The following TRPC5 variants were observed in gnomAD, a reference collection of about 807,000 sequenced individuals.
TRPC5 encodes the protein short transient receptor potential channel 5.
A neutral mutation model predicts 56.5 loss-of-function variants in TRPC5; 9 were observed. The observed-to-expected ratio is 0.16, with a 90% CI of 0.10 to 0.28. TRPC5 has a LOEUF of 0.28. TRPC5 is among the 10% of genes least tolerant of loss of function. The pLI, the probability that TRPC5 is intolerant of heterozygous loss-of-function variation, is 1.00. For missense variants in TRPC5, 469 were observed against 748.9 expected (o/e 0.63, Z 4.36); for synonymous variants, 282 against 278.5 (o/e 1.01, Z -0.13).
rs199726256 is a variant in TRPC5, at chrX:112,071,309, A to AAAATAAATAAAT, written c.-22+10558_-22+10569dup. 2.9e-3 allele frequency among the ~76,000 whole-genome samples: 310 copies of AAAATAAATAAAT among 105,234 alleles called. 1 individual carries two copies. Among genetic ancestry groups the AAAATAAATAAAT allele is most frequent in the Non-Finnish European group, 5.0e-3 (258 of 51,685 alleles). 91.4% of individuals were successfully genotyped at this position (105,234 alleles called of 115,157 possible). The stretch of plus-strand genomic sequence containing the variant: ...GGTGGCAGATTGAGACCCTGTCTCA[A>AAAATAAATAAAT]AAATAAATAAATAAATAAATAAATA... On this transcript the variant is annotated intron_variant, in intron 1 of 10. Coordinates refer to ENST00000262839, the MANE Select transcript of TRPC5 (RefSeq NM_012471.3).
At chrX:111,905,292 C>T (rs773617575) in intron 3 of TRPC5, among the ~76,000 whole-genome samples, 2 of 110,931 alleles carry the variant, frequency 1.8e-5, no homozygotes, top group African/African-American at 6.6e-5. Context: ...CTCCCTCCAG[C>T]CCATATTTAA....
intron 2 of TRPC5, among the ~76,000 whole-genome samples, chrX:111,937,047 G>A (rs1362036838): frequency 3.8e-5 from 4 of 105,965 alleles, no homozygotes; most frequent in Admixed American, 9.8e-5. Flanking sequence ...TAACTGGTGT[G>A]AGGTGGTATC....
At chrX:111,972,213 C>T (rs1927804011) in intron 1 of TRPC5, among the ~76,000 whole-genome samples, 1 of 111,708 alleles carries the variant, frequency 9.0e-6, no homozygotes, top group Middle Eastern at 4.2e-3. Context: ...GGGCCCTTTA[C>T]CAAGTTGGAC....
intron 1 of TRPC5, among the ~76,000 whole-genome samples, chrX:111,968,667 C>G (rs1240103054): frequency 1.8e-5 from 2 of 108,260 alleles, no homozygotes; most frequent in Non-Finnish European, 3.8e-5. Flanking sequence ...GAGTTCATGT[C>G]CTTTGTAGGG....
intron 1 of TRPC5, among the ~76,000 whole-genome samples, chrX:111,990,650 C>T (rs768477078): frequency 1.8e-5 from 2 of 110,532 alleles, no homozygotes; most frequent in Non-Finnish European, 3.8e-5. Flanking sequence ...ATTTCAACCC[C>T]GTGTGTCTAT....
chrX:111,856,818 C>T (rs1923249518), intron 3 of TRPC5, among the ~76,000 whole-genome samples: 1 of 93,824 alleles, frequency 1.1e-5, no homozygotes, highest in African/African-American at 4.0e-5. Flanking sequence ...GACTCCATCT[C>T]CAAAAAAAAA....
chrX:111,825,376 C>T lies in TRPC5; in HGVS notation c.1896+9545G>A, dbSNP rs745360445. Among the ~76,000 whole-genome samples the T allele has an allele frequency of 1.4e-4, 15 of 108,073 alleles. No individual in the cohort carries two copies. The South Asian group carries it at 5.8e-3, about 42-fold the overall frequency. 93.8% of individuals were successfully genotyped at this position (108,073 alleles called of 115,157 possible). Reference sequence around the variant, plus strand: ...CAGCGATTCTTGTGCCTCAGTCTCCCGAGTAGCTGGGACTACAGGTACGCA... The same window carrying T: ...CAGCGATTCTTGTGCCTCAGTCTCCTGAGTAGCTGGGACTACAGGTACGCA... On this transcript the variant is annotated intron_variant, in intron 7 of 10. Transcript: ENST00000262839.
chrX:111,901,971 A>G, intron 3 of TRPC5: 2 of 1,155,682 alleles, frequency 1.7e-6, no homozygotes, highest in Non-Finnish European at 2.3e-6. Context: ...CCTTATGTAG[A>G]AGAAAATGGT....
chrX:111,781,405 C>T (rs957851912), intron 8 of TRPC5, among the ~76,000 whole-genome samples, 199 bp from the exon 9 acceptor site: 8 of 111,865 alleles, frequency 7.2e-5, no homozygotes, highest in African/African-American at 1.3e-4. Context: ...AAAGGAGGGA[C>T]GGGAGGAAAC....
Position 112,028,761 on chromosome X carries a change from C to T in TRPC5, c.-22+53118G>A, listed in dbSNP as rs142936864. Reference sequence around the variant, plus strand: ...ACATGTGCATGTGTCTTTATAGTACCATGATTTATAATCCTTTGGGTATAT... The same window carrying T: ...ACATGTGCATGTGTCTTTATAGTACTATGATTTATAATCCTTTGGGTATAT... On this transcript the variant is annotated intron_variant, in intron 1 of 10. Coordinates refer to ENST00000262839, the MANE Select transcript of TRPC5 (RefSeq NM_012471.3). Among the ~76,000 whole-genome samples, 236 of 111,792 alleles carry T rather than the reference C, an allele frequency of 2.1e-3. 1 individual carries two copies. The highest frequency in any genetic ancestry group is 7.2e-3 in the African/African-American group (221 of 30,750).
At chrX:111,995,574 G>T (rs1174032420) in intron 1 of TRPC5, among the ~76,000 whole-genome samples, 2 of 111,080 alleles carry the variant, frequency 1.8e-5, no homozygotes, top group East Asian at 5.6e-4. Context: ...GTAGAATTCG[G>T]CTGTGAATCC....
Position 111,937,955 on chromosome X carries a change from A to T in TRPC5, c.378+14088T>A, listed in dbSNP as rs1156708372. On this transcript the variant is annotated intron_variant, in intron 2 of 10. Transcript: ENST00000262839. ...CTTGGGCAGTATGGCCATTTTCACG[A>T]TATTGATTCTTCCTACCCATGAGCA... 3.3e-5 allele frequency among the ~76,000 whole-genome samples: 3 copies of T among 91,125 alleles called. No individual in the cohort carries two copies. The East Asian group carries it at 1.0e-3, about 31-fold the overall frequency. The allele number at this position is 91,125 out of a possible 115,157, so 79.1% of individuals were successfully genotyped here. A position where few individuals can be genotyped will look rare whatever the true frequency, so the allele number is the denominator to read the frequency against.
intron 3 of TRPC5, among the ~76,000 whole-genome samples, chrX:111,889,109 A>G (rs1160224591): frequency 8.9e-6 from 1 of 112,202 alleles, no homozygotes; most frequent in Admixed American, 9.5e-5. Flanking sequence ...TTTGGGAGTC[A>G]TCTGCCTATA....
intron 1 of TRPC5, among the ~76,000 whole-genome samples, chrX:112,048,978 T>C (rs1472911355): frequency 8.9e-6 from 1 of 112,292 alleles, no homozygotes; most frequent in East Asian, 2.8e-4. Flanking sequence ...AGGGAGCCTT[T>C]CTGCCTTCCA....
At chrX:111,848,758 T>C (rs1484857363) in intron 5 of TRPC5, among the ~76,000 whole-genome samples, 1 of 112,346 alleles carries the variant, frequency 8.9e-6, no homozygotes, top group East Asian at 2.8e-4. Context: ...CGGATAGACT[T>C]TTAGGCGGCC....
At chrX:111,840,852 A>T (rs1467912627) in intron 6 of TRPC5, among the ~76,000 whole-genome samples, 2 of 112,633 alleles carry the variant, frequency 1.8e-5, no homozygotes, top group Non-Finnish European at 3.7e-5. Context: ...TTAGACTATG[A>T]ACTTCTTAAA....
At chrX:111,844,460 CTT>C (rs746423281) in intron 6 of TRPC5, among the ~76,000 whole-genome samples, 24 of 95,331 alleles carry the variant, frequency 2.5e-4, no homozygotes, top group Admixed American at 3.4e-4. Flanking sequence ...TTCTTTCTTT[CTT>C]TTTTTTTTTT....
chrX:112,069,173 C>T (rs1049197653), intron 1 of TRPC5, among the ~76,000 whole-genome samples: 2 of 111,921 alleles, frequency 1.8e-5, no homozygotes, highest in Non-Finnish European at 3.8e-5. Flanking sequence ...TACTATTATC[C>T]TTAGTTTATG....
intron 1 of TRPC5, among the ~76,000 whole-genome samples, chrX:112,057,330 C>CTG (rs1602416352): frequency 9.0e-6 from 1 of 111,340 alleles, no homozygotes; most frequent in African/African-American, 3.3e-5. Flanking sequence ...AAATGACTTT[C>CTG]TCTTTAAACC....
Sources: allele counts gnomAD v4.1 joint callset (sites outside exome capture counted in the v4.1 genomes callset), GRCh38; gene constraint gnomAD v4.1.1; transcripts MANE v1.5; gene names NCBI Gene and HGNC (gene_info 2026-07-23, HGNC 2026-07-21).